ADAMTSL1: variants seen among roughly 807,000 people sequenced by gnomAD.
The protein encoded by ADAMTSL1 is ADAMTS like 1.
In ADAMTSL1, 126 loss-of-function variants were observed where a neutral mutation model predicts 201.8. That is an observed-to-expected ratio of 0.62 (90% CI 0.54 to 0.72). The LOEUF (loss-of-function observed/expected upper bound fraction) is 0.72. Among genes scored for constraint, ADAMTSL1 ranks in the 30% least tolerant of loss-of-function variants. The pLI is 0.00. For missense variants in ADAMTSL1, 2,679 were observed against 2,277.8 expected, an observed-to-expected ratio of 1.18 and a Z score of -3.59; for synonymous variants, 1,121 against 903.4, an observed-to-expected ratio of 1.24 and a Z score of -4.32.
intron 1 of ADAMTSL1, among the ~76,000 whole-genome samples, chr9:18,101,657 C>T (rs888796692): frequency 5.9e-5 from 9 of 152,050 alleles, no homozygotes; most frequent in South Asian, 2.1e-4. Context: ...TGAATTTAGA[C>T]GGGAGACAAG....
intron 1 of ADAMTSL1, among the ~76,000 whole-genome samples, chr9:18,134,794 G>C (rs1826091393): frequency 1.3e-5 from 2 of 152,296 alleles, no homozygotes; most frequent in South Asian, 4.1e-4. Context: ...GTAGGAAACA[G>C]AATGGCAGGG....
chr9:18,026,330 G>A (rs1478275177), intron 1 of ADAMTSL1, among the ~76,000 whole-genome samples: 2 of 152,000 alleles, frequency 1.3e-5, no homozygotes, highest in Admixed American at 6.6e-5. Flanking sequence ...TCAGCATGAT[G>A]TTGACTGTGG....
rs148707114 is a variant in ADAMTSL1 at position 17,928,657 on chromosome 9, C to T, written c.87+21735C>T. ...AGGCATGGTGGCTCACACCTGTAAT[C>T]CCAGTACTTTGGGAGGCTGAGGAGG... On this transcript the variant is annotated intron_variant, in intron 1 of 29. Transcript: ENST00000680146. 1.5e-4 allele frequency among the ~76,000 whole-genome samples: 23 copies of T among 152,234 alleles called. No homozygotes were observed. The South Asian group carries it at 3.9e-3, about 26-fold the overall frequency.
At chr9:18,470,493 G>A (rs986249552), upstream of ADAMTSL1, among the ~76,000 whole-genome samples, 1 of 152,182 alleles carries the variant, frequency 6.6e-6, no homozygotes, top group Non-Finnish European at 1.5e-5. Flanking sequence ...CTCAGATGCT[G>A]CCATAACCAC....
intron 23 of ADAMTSL1, among the ~76,000 whole-genome samples, chr9:18,848,433 T>C (rs1826271335): frequency 6.6e-6 from 1 of 152,240 alleles, no homozygotes; most frequent in African/African-American, 2.4e-5. Context: ...TATTCAGACC[T>C]AGCCTTTACA....
rs201675556 is a variant in ADAMTSL1, at chr9:18,474,278, C to T, written c.46C>T (p.Leu16=). ...RATPGTLLLF[L]AFLLLSSRTA... ...AACTCCTGGCACACTGCTCCTCTTTCTGGCTTTCCTGCTCCTGGTAAATGC... is the reference window on the plus strand; with the variant it reads ...AACTCCTGGCACACTGCTCCTCTTTTTGGCTTTCCTGCTCCTGGTAAATGC... The change falls in exon 1 of 29, where the codon CTG becomes TTG. Residue 16 remains leucine (L), a synonymous_variant. Transcript: ENST00000380548. 1 of 1,614,158 alleles carries T rather than the reference C, an allele frequency of 6.2e-7. No homozygotes were observed. The highest frequency in any genetic ancestry group is 1.3e-5 in the African/African-American group (1 of 75,048).
chr9:17,946,474 T>A (rs1827489672), intron 1 of ADAMTSL1, among the ~76,000 whole-genome samples: 1 of 152,164 alleles, frequency 6.6e-6, no homozygotes, highest in South Asian at 2.1e-4. Context: ...TAGAAGACAT[T>A]CTTTACTAAA....
intron 2 of ADAMTSL1, among the ~76,000 whole-genome samples, chr9:18,442,630 T>C (rs1055546351): frequency 1.3e-5 from 2 of 152,240 alleles, no homozygotes; most frequent in African/African-American, 4.8e-5. Context: ...TTTGCTTTTA[T>C]AGTCTCAGAT....
chr9:18,662,038 G>A lies in ADAMTSL1; in HGVS notation c.1050G>A (p.Lys350=). 1.9e-6 allele frequency: 3 copies of A among 1,613,990 alleles called. No homozygotes were observed. Among genetic ancestry groups the A allele is most frequent in the South Asian group, 1.1e-5 (1 of 91,060 alleles). ...CAGAGAACATCAAACCCAAACCCAA[G>A]CTTCAGGAGTGCAACTTGGATCCTT... ...YYPENIKPKP[K]LQECNLDPCP... is the part of the protein sequence containing the mutation. Residue 350 remains lysine (K), a synonymous_variant, in exon 9 of 29, where the codon AAG becomes AAA. Coordinates refer to ENST00000380548, the MANE Select transcript of ADAMTSL1 (RefSeq NM_001040272.6).
chr9:18,307,110 G>C (rs1166615530), intron 2 of ADAMTSL1, among the ~76,000 whole-genome samples: 1 of 152,100 alleles, frequency 6.6e-6, no homozygotes, highest in African/African-American at 2.4e-5. Context: ...CATAAGCGAA[G>C]GGGAAATAAA....
At chr9:18,453,052 C>G (rs1820471751) in intron 2 of ADAMTSL1, among the ~76,000 whole-genome samples, 1 of 152,238 alleles carries the variant, frequency 6.6e-6, no homozygotes, top group Non-Finnish European at 1.5e-5. Context: ...CTGTCCATGA[C>G]ATCCTTCAAA....
chr9:18,418,370 T>G (rs1818784726), intron 2 of ADAMTSL1, among the ~76,000 whole-genome samples: 1 of 151,982 alleles, frequency 6.6e-6, no homozygotes, highest in Non-Finnish European at 1.5e-5. Context: ...GCCAATGCAG[T>G]AAGTAAGAAA....
intron 2 of ADAMTSL1, among the ~76,000 whole-genome samples, chr9:18,423,036 T>G (rs1332958183): frequency 6.6e-6 from 1 of 152,198 alleles, no homozygotes; most frequent in African/African-American, 2.4e-5. Context: ...ATAGGAAAAC[T>G]CCCTCATCTT....
At chr9:18,603,390 GC>G in intron 4 of ADAMTSL1, among the ~76,000 whole-genome samples, 1 of 130,170 alleles carries the variant, frequency 7.7e-6, no homozygotes, top group Non-Finnish European at 1.6e-5. Context: ...GCTATGCTAT[GC>G]TATGCTATGC....
intron 5 of ADAMTSL1, among the ~76,000 whole-genome samples, chr9:18,623,482 C>T (rs1826164583): frequency 6.6e-6 from 1 of 152,058 alleles, no homozygotes; most frequent in South Asian, 2.1e-4. Context: ...TTTCTCTGGA[C>T]TGGTCACAGC....
intron 20 of ADAMTSL1, among the ~76,000 whole-genome samples, chr9:18,803,315 A>G (rs1235264920): frequency 6.6e-6 from 1 of 152,210 alleles, no homozygotes; most frequent in East Asian, 1.9e-4. Context: ...TCTAGAAGCC[A>G]CTGAATTCCT....
At chr9:18,317,259 T>A (rs764424904) in intron 2 of ADAMTSL1, among the ~76,000 whole-genome samples, 7 of 152,094 alleles carry the variant, frequency 4.6e-5, no homozygotes, top group Non-Finnish European at 8.8e-5. Flanking sequence ...AGGGTAGATG[T>A]TGGTCAAAGG....
chr9:18,087,791 T>C (rs997233200), intron 1 of ADAMTSL1, among the ~76,000 whole-genome samples: 1 of 152,166 alleles, frequency 6.6e-6, no homozygotes, highest in African/African-American at 2.4e-5. Context: ...TGTATCAGTG[T>C]TGTATTGCTA....
chr9:18,214,510 C>T (rs1411463579), intron 2 of ADAMTSL1, among the ~76,000 whole-genome samples: 1 of 152,094 alleles, frequency 6.6e-6, no homozygotes, highest in African/African-American at 2.4e-5. Context: ...GATGGCGATG[C>T]CAACTAAATG....
Sources: allele counts gnomAD v4.1 joint callset (sites outside exome capture counted in the v4.1 genomes callset), GRCh38; gene constraint gnomAD v4.1.1; transcripts MANE v1.5; gene names NCBI Gene and HGNC (gene_info 2026-07-23, HGNC 2026-07-21).